The following CUL2 variants were observed in gnomAD, a reference collection of about 807,000 sequenced individuals.
CUL2 encodes the protein cullin 2.
A neutral mutation model predicts 110.2 loss-of-function variants in CUL2; 22 were observed. The ratio of observed to expected loss-of-function variants is 0.20; its 90% CI spans 0.14 to 0.28. The LOEUF (loss-of-function observed/expected upper bound fraction) is 0.28. Ranked by LOEUF, CUL2 falls within the 10% of genes least tolerant of loss-of-function variation. The probability of loss-of-function intolerance (pLI) is 1.00; values close to 1 mark genes in which losing one functional copy is unlikely to be tolerated. For synonymous variants in CUL2, 279 were observed against 293.2 expected, an observed-to-expected ratio of 0.95 and a Z score of 0.49; for missense variants, 631 against 905.5, an observed-to-expected ratio of 0.70 and a Z score of 3.89.
chr10:35,107,507 T>C (rs904794231), intron 1 of CUL2, among the ~76,000 whole-genome samples: 1 of 152,182 alleles, frequency 6.6e-6, no homozygotes, highest in Non-Finnish European at 1.5e-5. Context: ...ATGTGTCCTT[T>C]AATGTTGTTG....
rs544661649 is a variant in CUL2 at position 35,013,900 on chromosome 10, G to A, written c.1888-100C>T. ...GCTAAATTAATGACCAAGCAAAAAA[G>A]CCTCCACTCTCATAACTTTTATATT... On this transcript the variant is annotated intron_variant, in intron 18 of 20. Coordinates refer to ENST00000374749, the MANE Select transcript of CUL2 (RefSeq NM_003591.4). 7.9e-5 allele frequency: 62 copies of A among 784,082 alleles called. No homozygotes were observed. The Admixed American group carries it at 2.2e-3, about 28-fold the overall frequency. 48.6% of individuals were successfully genotyped at this position (784,082 alleles called of 1,614,324 possible).
At chr10:35,018,203 C>G (rs1235332664) in intron 17 of CUL2, among the ~76,000 whole-genome samples, 2 of 138,128 alleles carry the variant, frequency 1.4e-5, no homozygotes, top group African/African-American at 5.4e-5. Flanking sequence ...AGGAGAATGG[C>G]GTGAACCCGG....
chr10:35,045,401 A>ACAGAG (rs2085908951), intron 6 of CUL2, among the ~76,000 whole-genome samples: 1 of 139,352 alleles, frequency 7.2e-6, no homozygotes, highest in Non-Finnish European at 1.6e-5. Flanking sequence ...TGCCTGGGCA[A>ACAGAG]TAGAGCGAGA....
chr10:35,056,956 G>A (rs1187994317), intron 4 of CUL2, among the ~76,000 whole-genome samples: 1 of 152,118 alleles, frequency 6.6e-6, no homozygotes, highest in Middle Eastern at 3.2e-3. Flanking sequence ...CAATCTACTT[G>A]CTGACCCTCT....
chr10:35,011,959 C>A lies in CUL2; in HGVS notation c.1995G>T (p.Met665Ile). The change falls in exon 20 of 21, where the codon ATG becomes ATT. Residue 665 changes from methionine (M) to isoleucine (I), a missense_variant. By Grantham distance (10) the Met-to-Ile change is conservative. Transcript: ENST00000374749. ...TSMQKDTPQE[M>I]EQTRSAVDED... Reference sequence around the variant, plus strand: ...CATCAACTGCACTTCTAGTCTGCTCCATTTCCTGTTTTACAGAAGAAAAGA... The same window carrying A: ...CATCAACTGCACTTCTAGTCTGCTCAATTTCCTGTTTTACAGAAGAAAAGA... 1 of 1,583,476 alleles carries A rather than the reference C, an allele frequency of 6.3e-7. No individual in the cohort carries two copies. Among genetic ancestry groups the A allele is most frequent in the Non-Finnish European group, 8.6e-7 (1 of 1,160,384 alleles).
chr10:35,112,806 C>A (rs754395910), intron 1 of CUL2, among the ~76,000 whole-genome samples: 1 of 152,094 alleles, frequency 6.6e-6, no homozygotes, highest in Non-Finnish European at 1.5e-5. Context: ...CAAAATAGAT[C>A]AAGATTAAAG....
At chr10:35,063,563 T>C (rs2086438548) in intron 2 of CUL2, among the ~76,000 whole-genome samples, 3 of 152,192 alleles carry the variant, frequency 2.0e-5, no homozygotes, top group Non-Finnish European at 4.4e-5. Context: ...TCTACCGTTA[T>C]TCTATCAGAA....
chr10:35,109,347 T>A (rs1589067562), intron 1 of CUL2, among the ~76,000 whole-genome samples: 1 of 152,222 alleles, frequency 6.6e-6, no homozygotes, highest in South Asian at 2.1e-4. Flanking sequence ...ATTGATTACA[T>A]CATTATTTCA....
chr10:35,060,485 T>C (rs1251242429), intron 4 of CUL2, among the ~76,000 whole-genome samples: 1 of 152,174 alleles, frequency 6.6e-6, no homozygotes, highest in Non-Finnish European at 1.5e-5. Flanking sequence ...GCATCAAACA[T>C]AAAATACTGA....
chr10:35,017,138 T>C (rs1437847414), intron 17 of CUL2, among the ~76,000 whole-genome samples: 4 of 151,770 alleles, frequency 2.6e-5, no homozygotes, highest in Non-Finnish European at 5.9e-5. Flanking sequence ...TCCTGGGAGG[T>C]CCACAGCCAC....
chr10:35,044,679 G>A lies in CUL2; in HGVS notation c.604-3C>T, dbSNP rs766097319. Reference sequence around the variant, plus strand: ...GACTCAAAAATTTCCTGATAAAACTGAATAAATCAATTACATCATATTAGA... The same window carrying A: ...GACTCAAAAATTTCCTGATAAAACTAAATAAATCAATTACATCATATTAGA... On this transcript the variant is annotated splice_polypyrimidine_tract_variant and splice_region_variant and intron_variant, in intron 7 of 20. Transcript: ENST00000374749. 1 of 1,597,554 alleles carries A rather than the reference G, an allele frequency of 6.3e-7. No individual in the cohort carries two copies. Among genetic ancestry groups the A allele is most frequent in the South Asian group, 1.1e-5 (1 of 89,328 alleles).
chr10:35,082,355 A>T (rs1342834639), intron 1 of CUL2, among the ~76,000 whole-genome samples: 1 of 152,232 alleles, frequency 6.6e-6, no homozygotes, highest in East Asian at 1.9e-4. Flanking sequence ...GCAAATTCAT[A>T]AAGACAGAAA....
intron 1 of CUL2, among the ~76,000 whole-genome samples, chr10:35,073,552 AG>A (rs2086736206): frequency 6.6e-6 from 1 of 151,540 alleles, no homozygotes; most frequent in Non-Finnish European, 1.5e-5. Flanking sequence ...TCTGACAGGT[AG>A]GTCCACTGTT....
intron 2 of CUL2, among the ~76,000 whole-genome samples, chr10:35,066,635 T>C (rs1265548258): frequency 2.6e-5 from 4 of 152,226 alleles, no homozygotes; most frequent in Non-Finnish European, 4.4e-5. Context: ...AGAATACAGA[T>C]GCAGTATCTA....
chr10:35,119,576 A>G (rs1025081508), intron 1 of CUL2, among the ~76,000 whole-genome samples: 6 of 144,954 alleles, frequency 4.1e-5, no homozygotes, highest in Admixed American at 4.1e-4. Context: ...TTATTTATTT[A>G]TTTATTTATT....
chr10:35,039,161 G>T, intron 8 of CUL2, 79 bp from the exon 9 acceptor site: 1 of 807,684 alleles, frequency 1.2e-6, no homozygotes, highest in Non-Finnish European at 1.8e-6. Flanking sequence ...AAGTAACTCA[G>T]CCAAATTTTA....
intron 18 of CUL2, 76 bp downstream of exon 18, chr10:35,016,116 T>C: frequency 8.1e-7 from 1 of 1,238,828 alleles, no homozygotes; most frequent in South Asian, 1.4e-5. Context: ...TACAGCCTTA[T>C]TTTAAAACTG....
chr10:35,065,273 G>C lies in CUL2; in HGVS notation c.120-2211C>G, dbSNP rs572587053. 2.2e-4 allele frequency among the ~76,000 whole-genome samples: 34 copies of C among 152,286 alleles called. No homozygotes were observed. The South Asian group carries it at 7.0e-3, about 32-fold the overall frequency. The stretch of plus-strand genomic sequence containing the variant: ...CAAAAAATGTTGGCTGGGCATGATG[G>C]CTGATGCCTGTAATCCCAGCACTTT... On this transcript the variant is annotated intron_variant, in intron 2 of 20. Transcript: ENST00000374749.
intron 2 of CUL2, among the ~76,000 whole-genome samples, chr10:35,096,283 A>T (rs976402730): frequency 2.6e-5 from 4 of 152,060 alleles, no homozygotes; most frequent in African/African-American, 9.7e-5. Flanking sequence ...TTTTGAGCTT[A>T]CAAAAGTGCG....
Sources: allele counts gnomAD v4.1 joint callset (sites outside exome capture counted in the v4.1 genomes callset), GRCh38; gene constraint gnomAD v4.1.1; transcripts MANE v1.5; gene names NCBI Gene and HGNC (gene_info 2026-07-23, HGNC 2026-07-21).